CBFB: variants seen among roughly 807,000 people sequenced by gnomAD.
CBFB encodes the protein core-binding factor subunit beta.
A neutral mutation model predicts 30.4 loss-of-function variants in CBFB; 9 were observed. The ratio of observed to expected loss-of-function variants is 0.30; its 90% CI spans 0.18 to 0.52. CBFB has a LOEUF of 0.52. Ranked by LOEUF, CBFB falls within the 20% of genes least tolerant of loss-of-function variation. CBFB has a pLI of 0.97. For synonymous variants in CBFB, 94 were observed against 84.0 expected (o/e 1.12, Z -0.65); for missense variants, 170 against 244.0 (o/e 0.70, Z 2.02).
Position 67,096,746 on chromosome 16 carries a change from G to T in CBFB, c.496-1964G>T, listed in dbSNP as rs746827453. Among the ~76,000 whole-genome samples the T allele has an allele frequency of 3.3e-4, 50 of 150,068 alleles. 1 individual carries two copies. The highest frequency in any genetic ancestry group is 6.6e-5 in the Admixed American group (1 of 15,042). On this transcript the variant is annotated intron_variant, in intron 5 of 5. Coordinates refer to ENST00000412916, the MANE Select transcript of CBFB (RefSeq NM_022845.3). ...TCCCAGCACTTTGGGAGGCCAGGGC[G>T]GGTGAATCACGAGGTCAGGAGATTG...
intron 3 of CBFB, among the ~76,000 whole-genome samples, chr16:67,049,321 A>C (rs1196446244): frequency 6.6e-6 from 1 of 152,050 alleles, no homozygotes; most frequent in Non-Finnish European, 1.5e-5. Flanking sequence ...CTCCTGCCTC[A>C]GCCTCCTGAG....
At chr16:67,077,278 T>C (rs1045285076) in intron 4 of CBFB, among the ~76,000 whole-genome samples, 2 of 152,194 alleles carry the variant, frequency 1.3e-5, no homozygotes, top group Non-Finnish European at 2.9e-5. Flanking sequence ...ATTAGAAAAA[T>C]TGAACCATTA....
chr16:67,056,383 T>C (rs1960724638), intron 3 of CBFB, among the ~76,000 whole-genome samples: 1 of 152,206 alleles, frequency 6.6e-6, no homozygotes. Flanking sequence ...AACAAAATTA[T>C]GTATTGATCA....
intron 3 of CBFB, among the ~76,000 whole-genome samples, chr16:67,044,084 T>C (rs1035142943): frequency 6.6e-6 from 1 of 152,240 alleles, no homozygotes; most frequent in African/African-American, 2.4e-5. Flanking sequence ...TATTTCCAAT[T>C]ACTTTTATTT....
At chr16:67,085,610 T>C (rs1961703992) in intron 5 of CBFB, among the ~76,000 whole-genome samples, 2 of 151,694 alleles carry the variant, frequency 1.3e-5, no homozygotes. Flanking sequence ...TTCTCCCTCC[T>C]TGACCTCCCA....
At chr16:67,036,588 A>G in intron 2 of CBFB, 51 bp from the exon 3 acceptor site, 1 of 1,007,728 alleles carries the variant, frequency 9.9e-7, no homozygotes, top group Non-Finnish European at 1.6e-6. Context: ...TGCTTGCATA[A>G]TTTATGTAAT....
chr16:67,054,676 T>G (rs1960661214), intron 3 of CBFB, among the ~76,000 whole-genome samples: 1 of 152,170 alleles, frequency 6.6e-6, no homozygotes, highest in South Asian at 2.1e-4. Flanking sequence ...TGGTCTACCT[T>G]CCAGAAGATT....
At chr16:67,046,137 C>G (rs1966623579) in intron 3 of CBFB, among the ~76,000 whole-genome samples, 1 of 146,402 alleles carries the variant, frequency 6.8e-6, no homozygotes, top group Non-Finnish European at 1.5e-5. Flanking sequence ...AACTAGATAT[C>G]TCTCTGTCAC....
chr16:67,089,236 A>G (rs1326261755), intron 5 of CBFB, among the ~76,000 whole-genome samples: 1 of 152,180 alleles, frequency 6.6e-6, no homozygotes, highest in Non-Finnish European at 1.5e-5. Flanking sequence ...TGATATACAT[A>G]AGGTACACAG....
intron 3 of CBFB, among the ~76,000 whole-genome samples, chr16:67,047,204 C>G (rs1368596211): frequency 6.6e-6 from 1 of 151,910 alleles, no homozygotes; most frequent in Non-Finnish European, 1.5e-5. Context: ...GCACTGTAGC[C>G]TGGGCAACAC....
intron 3 of CBFB, among the ~76,000 whole-genome samples, chr16:67,038,918 C>T (rs1966488139): frequency 6.6e-6 from 1 of 152,122 alleles, no homozygotes; most frequent in African/African-American, 2.4e-5. Flanking sequence ...ATTAAGTTTG[C>T]TTGAATTAAT....
intron 4 of CBFB, among the ~76,000 whole-genome samples, chr16:67,072,710 C>T (rs1224181419): frequency 1.3e-5 from 2 of 152,000 alleles, no homozygotes; most frequent in East Asian, 1.9e-4. Context: ...AGGTGATCTG[C>T]CCGCCTCAGC....
At chr16:67,067,806 G>T (rs1248043073) in intron 4 of CBFB, among the ~76,000 whole-genome samples, 2 of 152,200 alleles carry the variant, frequency 1.3e-5, no homozygotes, top group Non-Finnish European at 1.5e-5. Flanking sequence ...CTAACAGTCT[G>T]GCAAAGCTAG....
intron 4 of CBFB, among the ~76,000 whole-genome samples, chr16:67,069,217 A>G (rs115710439): frequency 0.02 from 3,069 of 152,248 alleles, 98 homozygotes; most frequent in African/African-American, 0.07. Context: ...TCCATCTCAA[A>G]AAAAACGCCG....
rs769162498 is a variant in CBFB at position 67,066,815 on chromosome 16, C to T, written c.399+17C>T. On this transcript the variant is annotated intron_variant, in intron 4 of 5. Transcript: ENST00000412916. ...CGAGCCCAGGTAGGGTAACATCAGG[C>T]TTTATTGAGCATGGTCCCTTTAGTC... 5 of 1,403,532 alleles carry T rather than the reference C, an allele frequency of 3.6e-6. No homozygotes were observed. The highest frequency in any genetic ancestry group is 3.4e-5 in the Admixed American group (2 of 59,392). 86.9% of individuals were successfully genotyped at this position (1,403,532 alleles called of 1,614,324 possible). A position where few individuals can be genotyped will look rare whatever the true frequency, so the allele number is the denominator to read the frequency against.
chr16:67,036,795 G>T (rs1212151188), intron 3 of CBFB, 40 bp downstream of exon 3: 2 of 1,118,944 alleles, frequency 1.8e-6, no homozygotes, highest in African/African-American at 1.5e-5. Context: ...ACTGTGGGTT[G>T]TTTTGTTAGA....
chr16:67,090,621 C>T (rs565307827), intron 5 of CBFB, among the ~76,000 whole-genome samples: 2 of 152,278 alleles, frequency 1.3e-5, no homozygotes, highest in South Asian at 4.1e-4. Context: ...TGACCTAAAA[C>T]TGTAATATAG....
intron 4 of CBFB, among the ~76,000 whole-genome samples, chr16:67,070,923 A>G (rs2079208438): frequency 6.6e-6 from 1 of 152,188 alleles, no homozygotes; most frequent in South Asian, 2.1e-4. Context: ...CATTTTTTAT[A>G]CTTGGAGTTT....
At chr16:67,088,867 A>G (rs1431238436) in intron 5 of CBFB, among the ~76,000 whole-genome samples, 1 of 152,170 alleles carries the variant, frequency 6.6e-6, no homozygotes, top group South Asian at 2.1e-4. Flanking sequence ...TATTTAATCT[A>G]TGTGTAAGGT....
Sources: allele counts gnomAD v4.1 joint callset (sites outside exome capture counted in the v4.1 genomes callset), GRCh38; gene constraint gnomAD v4.1.1; transcripts MANE v1.5; gene names NCBI Gene and HGNC (gene_info 2026-07-23, HGNC 2026-07-21).